The following IGF1R variants were observed in gnomAD, a reference collection of about 807,000 sequenced individuals.
IGF1R encodes the protein insulin-like growth factor 1 receptor.
In IGF1R, 44 loss-of-function variants were observed where a neutral mutation model predicts 144.6. The observed-to-expected ratio is 0.30, with a 90% confidence interval of 0.24 to 0.39. The LOEUF (loss-of-function observed/expected upper bound fraction) is 0.39. IGF1R is among the 10% of genes least tolerant of loss of function. The probability of loss-of-function intolerance (pLI) is 1.00; values close to 1 mark genes in which losing one functional copy is unlikely to be tolerated. For missense variants in IGF1R, 1,355 were observed against 1,833.7 expected (o/e 0.74, Z 4.77); for synonymous variants, 795 against 722.8 (o/e 1.10, Z -1.60).
At chr15:98,900,312 C>G (rs1410433292) in intron 5 of IGF1R, among the ~76,000 whole-genome samples, 1 of 152,180 alleles carries the variant, frequency 6.6e-6, no homozygotes, top group East Asian at 1.9e-4. Context: ...TCTCTTTAAA[C>G]TCTCCCTTTT....
intron 1 of IGF1R, among the ~76,000 whole-genome samples, chr15:98,675,800 C>G (rs571275900): frequency 3.6e-4 from 50 of 140,282 alleles, no homozygotes; most frequent in Middle Eastern, 3.6e-3. Flanking sequence ...GTAACAATAT[C>G]TTTTCTTTTT....
At chr15:98,835,345 A>AC (rs1478504883) in intron 2 of IGF1R, among the ~76,000 whole-genome samples, 2 of 152,002 alleles carry the variant, frequency 1.3e-5, no homozygotes, top group Middle Eastern at 3.4e-3. Context: ...CCTACCATTC[A>AC]CCCCTACCAG....
chr15:98,651,953 T>G (rs777362425), intron 1 of IGF1R, among the ~76,000 whole-genome samples: 19 of 152,232 alleles, frequency 1.2e-4, no homozygotes, highest in Non-Finnish European at 2.1e-4. Flanking sequence ...CTAGACCACT[T>G]AACTCTGATA....
intron 5 of IGF1R, among the ~76,000 whole-genome samples, 193 bp from the exon 6 acceptor site, chr15:98,908,492 T>A (rs1484179059): frequency 6.6e-6 from 1 of 152,234 alleles, no homozygotes; most frequent in Non-Finnish European, 1.5e-5. Context: ...TGATATGTTA[T>A]CCTTGAATCA....
chr15:98,785,748 C>T (rs1374820318), intron 2 of IGF1R, among the ~76,000 whole-genome samples: 4 of 152,076 alleles, frequency 2.6e-5, no homozygotes, highest in Non-Finnish European at 5.9e-5. Flanking sequence ...ATTATTTTTC[C>T]TTGGAGCTCA....
At chr15:98,752,663 G>A (rs541668048) in intron 2 of IGF1R, among the ~76,000 whole-genome samples, 12 of 148,048 alleles carry the variant, frequency 8.1e-5, no homozygotes, top group African/African-American at 1.3e-4. Context: ...CAGCCTGGGC[G>A]ACAGAGCGAG....
At chr15:98,915,432 C>T (rs1393876343) in intron 8 of IGF1R, among the ~76,000 whole-genome samples, 1 of 152,204 alleles carries the variant, frequency 6.6e-6, no homozygotes, top group African/African-American at 2.4e-5. Flanking sequence ...CCCCATCCCT[C>T]TTACACACAG....
intron 1 of IGF1R, among the ~76,000 whole-genome samples, chr15:98,698,077 C>T (rs1251444439): frequency 6.8e-6 from 1 of 146,168 alleles, no homozygotes; most frequent in Non-Finnish European, 1.5e-5. Context: ...CTTGCTCTGT[C>T]GCCCAGGCTG....
intron 2 of IGF1R, among the ~76,000 whole-genome samples, chr15:98,739,644 T>G (rs2054692477): frequency 6.6e-6 from 1 of 152,126 alleles, no homozygotes; most frequent in Admixed American, 6.5e-5. Flanking sequence ...TAAGAGTCTC[T>G]GTTGTCCAGG....
At chr15:98,830,525 A>G (rs1040073756) in intron 2 of IGF1R, among the ~76,000 whole-genome samples, 14 of 152,282 alleles carry the variant, frequency 9.2e-5, no homozygotes, top group Admixed American at 3.3e-4. Flanking sequence ...TAATTTATAA[A>G]GAAAAGAGGG....
intron 1 of IGF1R, among the ~76,000 whole-genome samples, chr15:98,673,756 T>C (rs546307584): frequency 1.3e-5 from 2 of 152,314 alleles, no homozygotes; most frequent in African/African-American, 4.8e-5. Context: ...GGCATCTGCT[T>C]TTTTAAGCGT....
At chr15:98,925,616 C>A (rs1003169132) in intron 13 of IGF1R, among the ~76,000 whole-genome samples, 6 of 152,202 alleles carry the variant, frequency 3.9e-5, no homozygotes. Context: ...TTAAAACATG[C>A]ACTCCGCCGG....
intron 2 of IGF1R, among the ~76,000 whole-genome samples, chr15:98,715,479 C>T (rs1335788514): frequency 1.3e-5 from 2 of 152,162 alleles, no homozygotes; most frequent in Non-Finnish European, 2.9e-5. Flanking sequence ...CCTATTTGTA[C>T]AATTGTTCTG....
chr15:98,747,409 G>C (rs2054896062), intron 2 of IGF1R, among the ~76,000 whole-genome samples: 1 of 152,084 alleles, frequency 6.6e-6, no homozygotes. Flanking sequence ...TGTTGGCCTG[G>C]CTGGTCTCGA....
At chr15:98,792,583 A>G (rs931056917) in intron 2 of IGF1R, among the ~76,000 whole-genome samples, 20 of 152,208 alleles carry the variant, frequency 1.3e-4, no homozygotes, top group African/African-American at 4.6e-4. Flanking sequence ...CCATTTTAAG[A>G]TGATTATGGC....
At chr15:98,764,464 C>T (rs1358584004) in intron 2 of IGF1R, among the ~76,000 whole-genome samples, 1 of 152,146 alleles carries the variant, frequency 6.6e-6, no homozygotes, top group Non-Finnish European at 1.5e-5. Flanking sequence ...ATAGTGTTTG[C>T]ACCAGAGGAA....
intron 1 of IGF1R, among the ~76,000 whole-genome samples, chr15:98,655,695 T>G (rs2052469354): frequency 6.6e-6 from 1 of 152,126 alleles, no homozygotes. Context: ...AAAATTTTTC[T>G]TTTTCCTGCC....
Position 98,959,125 on chromosome 15 carries a change from T to C in IGF1R, c.*1683T>C, listed in dbSNP as rs1596497052. 1 of 233,280 alleles carries C rather than the reference T, an allele frequency of 4.3e-6. No homozygotes were observed. The highest frequency in any genetic ancestry group is 2.2e-5 in the African/African-American group (1 of 45,350). 14.5% of individuals were successfully genotyped at this position (233,280 alleles called of 1,614,324 possible). On this transcript the variant is annotated 3_prime_UTR_variant, in exon 21 of 21. Transcript: ENST00000650285. ...AAATATTTCACACGTCTTTGTTCAG[T>C]GTTTCCACTCACCGTGGTTGAGAAG...
rs541414459 is a variant in IGF1R, at chr15:98,764,203, G to C, written c.640+56096G>C. 2.0e-5 allele frequency among the ~76,000 whole-genome samples: 3 copies of C among 152,228 alleles called. No individual in the cohort carries two copies. The East Asian group carries it at 5.8e-4, about 29-fold the overall frequency. On this transcript the variant is annotated intron_variant, in intron 2 of 20. Transcript: ENST00000650285. ...GAGCTTTTAATTACCTGAAGCTTTC[G>C]TGTCTTTACTGGGATATAACTTTTC... is the stretch of plus-strand genomic sequence containing the variant.
Sources: allele counts gnomAD v4.1 joint callset (sites outside exome capture counted in the v4.1 genomes callset), GRCh38; gene constraint gnomAD v4.1.1; transcripts MANE v1.5; gene names NCBI Gene and HGNC (gene_info 2026-07-23, HGNC 2026-07-21).